The following COL10A1 variants were observed in gnomAD, a reference collection of about 807,000 sequenced individuals.
The protein encoded by COL10A1 is collagen alpha-1(X) chain.
A neutral mutation model predicts 18.2 loss-of-function variants in COL10A1; 10 were observed. That is an observed-to-expected ratio of 0.55 (90% CI 0.34 to 0.93). COL10A1 has a LOEUF of 0.93. Among genes scored for constraint, COL10A1 ranks in the 40% least tolerant of loss-of-function variants. The pLI is 0.02. For missense variants in COL10A1, 897 were observed against 853.5 expected (o/e 1.05, Z -0.64); for synonymous variants, 330 against 316.6 (o/e 1.04, Z -0.45).
the COL10A1 span, among the ~76,000 whole-genome samples, chr6:116,203,778 G>A: frequency 1.3e-5 from 2 of 151,868 alleles, no homozygotes; most frequent in Non-Finnish European, 2.9e-5. Context: ...TGTGAGTTCA[G>A]TTTTAGTAGG....
rs78979246 is a variant in COL10A1, at chr6:116,139,716, T to C, written c.-15-14209A>G. On this transcript the variant is annotated intron_variant, in intron 1 of 1. Coordinates refer to the COL10A1 transcript ENST00000418500. The stretch of plus-strand genomic sequence containing the variant: ...TATGAGCTATGGTTCTTTAGATCTT[T>C]CTTGTCATGGGAGTAAGGAGAGAAA... 9.9e-3 allele frequency among the ~76,000 whole-genome samples: 1,510 copies of C among 152,280 alleles called. 10 individuals are homozygous for C. Among genetic ancestry groups the C allele is most frequent in the Non-Finnish European group, 0.015 (1,031 of 68,016 alleles).
chr6:116,171,985 G>T, the COL10A1 span, among the ~76,000 whole-genome samples: 35 of 152,130 alleles, frequency 2.3e-4, no homozygotes, highest in African/African-American at 8.0e-4. Context: ...TATGACAGCC[G>T]CCACATCTTA....
chr6:116,139,705 C>G (rs988560970), intron 1 of COL10A1, among the ~76,000 whole-genome samples: 6 of 151,918 alleles, frequency 3.9e-5, no homozygotes. Flanking sequence ...AGCTATGGTT[C>G]TTTAGATCTT....
chr6:116,198,614 C>T, the COL10A1 span, among the ~76,000 whole-genome samples: 2 of 151,892 alleles, frequency 1.3e-5, no homozygotes, highest in Non-Finnish European at 2.9e-5. Flanking sequence ...ACCTGCAGTC[C>T]TACCTGCTTG....
At chr6:116,124,769 T>C (rs978182821) in intron 2 of COL10A1, among the ~76,000 whole-genome samples, 7 of 152,304 alleles carry the variant, frequency 4.6e-5, no homozygotes, top group Admixed American at 3.3e-4. Flanking sequence ...CGCTAAACTA[T>C]ATTCAAAATG....
At chr6:116,145,242 G>A (rs1779868437) in intron 1 of COL10A1, among the ~76,000 whole-genome samples, 1 of 151,984 alleles carries the variant, frequency 6.6e-6, no homozygotes, top group Non-Finnish European at 1.5e-5. Context: ...GTCCCCAAAA[G>A]AATTTGTTTA....
At chr6:116,198,458 A>G in the COL10A1 span, among the ~76,000 whole-genome samples, 4 of 152,016 alleles carry the variant, frequency 2.6e-5, no homozygotes, top group African/African-American at 9.7e-5. Context: ...GGCTGGGTAT[A>G]GTGACTCATG....
At chr6:116,189,118 A>G in the COL10A1 span, among the ~76,000 whole-genome samples, 50 of 152,056 alleles carry the variant, frequency 3.3e-4, no homozygotes, top group Non-Finnish European at 4.4e-4. Context: ...TCAAGTTGAA[A>G]TGAGATGTTT....
intron 2 of COL10A1, among the ~76,000 whole-genome samples, chr6:116,122,682 C>T (rs1391266008): frequency 1.3e-5 from 2 of 152,082 alleles, no homozygotes; most frequent in African/African-American, 2.4e-5. Context: ...GTGAAAAATG[C>T]GGCTGGGCCA....
chr6:116,174,777 A>G, the COL10A1 span, among the ~76,000 whole-genome samples: 5 of 152,170 alleles, frequency 3.3e-5, no homozygotes, highest in Admixed American at 6.5e-5. Flanking sequence ...TCAGTCTACA[A>G]TTCTACCACT....
chr6:116,193,686 G>A, the COL10A1 span, among the ~76,000 whole-genome samples: 6 of 152,008 alleles, frequency 3.9e-5, no homozygotes, highest in African/African-American at 7.2e-5. Flanking sequence ...TTTTCAAAGC[G>A]TGCTTTAATT....
upstream of COL10A1, among the ~76,000 whole-genome samples, chr6:116,129,008 G>A (rs890683104): frequency 2.6e-5 from 4 of 152,008 alleles, no homozygotes; most frequent in African/African-American, 7.2e-5. Context: ...ATCTCAACTC[G>A]CTGTCACTCA....
chr6:116,190,129 G>A, the COL10A1 span, among the ~76,000 whole-genome samples: 1 of 151,850 alleles, frequency 6.6e-6, no homozygotes, highest in African/African-American at 2.4e-5. Context: ...TACATAAGAT[G>A]TAATATCTAT....
At chr6:116,166,317 A>G in the COL10A1 span, among the ~76,000 whole-genome samples, 1 of 152,212 alleles carries the variant, frequency 6.6e-6, no homozygotes, top group Non-Finnish European at 1.5e-5. Context: ...ACTGACATCC[A>G]AAATCCCTAG....
At chr6:116,149,837 T>C (rs1779992016) in intron 1 of COL10A1, among the ~76,000 whole-genome samples, 1 of 152,038 alleles carries the variant, frequency 6.6e-6, no homozygotes, top group Admixed American at 6.6e-5. Context: ...TCTTTAGAGG[T>C]GAGGAAATTG....
the COL10A1 span, among the ~76,000 whole-genome samples, chr6:116,165,092 G>A: frequency 6.1e-4 from 37 of 61,156 alleles, no homozygotes; most frequent in African/African-American, 2.6e-3. Flanking sequence ...GCGAGACTCC[G>A]TCTCAGAAAA....
the COL10A1 span, among the ~76,000 whole-genome samples, chr6:116,169,782 G>C: frequency 6.6e-6 from 1 of 152,138 alleles, no homozygotes; most frequent in Admixed American, 6.5e-5. Context: ...GGAGTTCAGA[G>C]GATTATCAAT....
the COL10A1 span, among the ~76,000 whole-genome samples, chr6:116,203,409 A>G: frequency 6.6e-6 from 1 of 151,882 alleles, no homozygotes; most frequent in Non-Finnish European, 1.5e-5. Flanking sequence ...TCCTGGAGAG[A>G]CACCTAACAC....
At position 116,121,104 on chromosome 6, in the gene COL10A1, C is replaced by T. The variant is rs747632782; in HGVS notation, c.1012G>A (p.Gly338Arg). Residue 338 changes from glycine (G) to arginine (R), a missense_variant, in exon 3 of 3, where the codon GGA (glycine) becomes AGA (arginine). Coordinates refer to ENST00000651968, the MANE Select transcript of COL10A1 (RefSeq NM_000493.4). ...AGLPGKPGLT[G>R]PPGNMGPQGP... is the part of the protein sequence containing the mutation. ...TGGGGTCCCATATTCCCAGGGGGTC[C>T]AGTCAGACCTGGCTTCCCAGGAAGA... The T allele has an allele frequency of 6.2e-7, 1 of 1,613,846 alleles. No individual in the cohort carries two copies. Among genetic ancestry groups the T allele is most frequent in the East Asian group, 2.2e-5 (1 of 44,866 alleles).
Sources: allele counts gnomAD v4.1 joint callset (sites outside exome capture counted in the v4.1 genomes callset), GRCh38; gene constraint gnomAD v4.1.1; transcripts MANE v1.5; gene names NCBI Gene and HGNC (gene_info 2026-07-23, HGNC 2026-07-21).